Variants in DNAH14 observed in about 807,000 individuals in gnomAD.
DNAH14 encodes dynein axonemal heavy chain 14.
In DNAH14, 478 loss-of-function variants were observed where a neutral mutation model predicts 520.9. The ratio of observed to expected loss-of-function variants is 0.92; its 90% confidence interval spans 0.85 to 0.99. DNAH14 has a LOEUF of 0.99. Among genes scored for constraint, DNAH14 ranks in the 50% least tolerant of loss-of-function variants. DNAH14 has a pLI of 0.00. For synonymous variants in DNAH14, 1,581 were observed against 1,757.2 expected, an observed-to-expected ratio of 0.90 and a Z score of 2.51; for missense variants, 4,831 against 5,234.5, an observed-to-expected ratio of 0.92 and a Z score of 2.38.
intron 68 of DNAH14, among the ~76,000 whole-genome samples, chr1:225,339,829 A>C (rs980515261): frequency 1.3e-5 from 2 of 152,150 alleles, no homozygotes; most frequent in Non-Finnish European, 2.9e-5. Context: ...CCCACTCTTC[A>C]CTATGACTGC....
intron 75 of DNAH14, among the ~76,000 whole-genome samples, chr1:225,361,558 A>G (rs148109287): frequency 6.6e-6 from 1 of 152,352 alleles, no homozygotes; most frequent in African/African-American, 2.4e-5. Flanking sequence ...ATCCTGTGGT[A>G]AAATTGTTTA....
intron 37 of DNAH14, among the ~76,000 whole-genome samples, chr1:225,188,686 A>G (rs950686526): frequency 6.6e-6 from 1 of 151,956 alleles, no homozygotes; most frequent in Non-Finnish European, 1.5e-5. Context: ...GTGCAATTCC[A>G]TATGAATTTA....
intron 54 of DNAH14, among the ~76,000 whole-genome samples, chr1:225,282,376 T>C (rs1196014681): frequency 6.6e-6 from 1 of 152,208 alleles, no homozygotes; most frequent in Non-Finnish European, 1.5e-5. Flanking sequence ...AATCTTTAGC[T>C]TCTTTTCTGT....
rs1474192992 is a variant in DNAH14, at chr1:225,192,585, T to C, written c.5671-111T>C. 8.9e-6 allele frequency: 6 copies of C among 672,532 alleles called. No individual in the cohort carries two copies. The East Asian group carries it at 1.1e-4, about 13-fold the overall frequency. The allele number at this position is 672,532 out of a possible 1,614,324, so 41.7% of individuals were successfully genotyped here. On this transcript the variant is annotated intron_variant, in intron 37 of 85. Transcript: ENST00000682510. ...AACTTGCTACCTTTATATAAAATCT[T>C]TTTTTGGTGTGAAAGGTTTCTCCTA...
chr1:225,070,465 C>G (rs776196852), intron 17 of DNAH14, among the ~76,000 whole-genome samples: 3 of 151,958 alleles, frequency 2.0e-5, no homozygotes, highest in African/African-American at 4.8e-5. Flanking sequence ...CATTATTTAC[C>G]CAAAAGTCAT....
At chr1:225,037,044 C>G (rs879548533) in intron 11 of DNAH14, among the ~76,000 whole-genome samples, 2 of 152,034 alleles carry the variant, frequency 1.3e-5, no homozygotes, top group Non-Finnish European at 2.9e-5. Context: ...TATAACTACT[C>G]CTCTTTTATG....
In DNAH14 at chr1:224,968,772, T is replaced by C. The variant is rs1315162437; in HGVS notation, c.665T>C (p.Val222Ala). 1.3e-6 allele frequency: 2 copies of C among 1,502,024 alleles called. No homozygotes were observed. The highest frequency in any genetic ancestry group is 1.8e-6 in the Non-Finnish European group (2 of 1,120,460). The allele number at this position is 1,502,024 out of a possible 1,614,324, so 93.0% of individuals were successfully genotyped here. A position where few individuals can be genotyped will look rare whatever the true frequency, so the allele number is the denominator to read the frequency against. The change falls in exon 7 of 86, where the codon GTT becomes GCT. Residue 222 changes from valine (V) to alanine (A), a missense_variant. Transcript: ENST00000682510. ...TTTATTTTGTAGGTTATTAATATAG[T>C]TGGTAGTGTAAAGGAAGTAGAACTC... ...ASFISKVINI[V>A]GSVKEVELIP...
At chr1:225,032,340 T>G (rs141511384) in intron 11 of DNAH14, among the ~76,000 whole-genome samples, 82 of 152,272 alleles carry the variant, frequency 5.4e-4, no homozygotes, top group African/African-American at 1.9e-3. Context: ...TATTTGGTTT[T>G]GTGTTCTTGC....
At chr1:225,038,336 G>A (rs2067153438) in intron 11 of DNAH14, among the ~76,000 whole-genome samples, 1 of 151,988 alleles carries the variant, frequency 6.6e-6, no homozygotes, top group Admixed American at 6.5e-5. Flanking sequence ...TAAGTGCTTT[G>A]GGGTAGTCTT....
rs1259384978 is a variant in DNAH14, at chr1:225,335,339, A to ATG, written c.10080+1841_10080+1842dup. Among the ~76,000 whole-genome samples, 9 of 86,726 alleles carry ATG rather than the reference A, an allele frequency of 1.0e-4. 3 individuals are homozygous for ATG. Among genetic ancestry groups the ATG allele is most frequent in the Admixed American group, 9.2e-4 (8 of 8,718 alleles). The allele number at this position is 86,726 out of a possible 152,430, so 56.9% of individuals were successfully genotyped here. On this transcript the variant is annotated intron_variant, in intron 66 of 85. Transcript: ENST00000682510. ...TATATGCACATATACACGTGTGTAC[A>ATG]TGTGTGTGTATATGCATATACACGT...
intron 20 of DNAH14, 134 bp downstream of exon 20, chr1:225,082,873 T>C (rs2073306690): frequency 1.6e-5 from 11 of 686,052 alleles, no homozygotes; most frequent in Middle Eastern, 4.1e-4. Context: ...TAATAGTACA[T>C]TTGTAGAATA....
chr1:225,308,331 T>C lies in DNAH14; in HGVS notation c.9161T>C (p.Val3054Ala), dbSNP rs977614983. ...AAACTACGGAAAGATTCACAAGTAG[T>C]TGAGAAAGTTCAGATGCTTGTTAAA... ...MEKLRKDSQVVEKVQMLVKQD... is the reference protein window; with the variant it reads ...MEKLRKDSQVAEKVQMLVKQD... The change falls in exon 60 of 86, where the codon GTT (valine) becomes GCT (alanine). Residue 3054 changes from valine (V) to alanine (A), a missense_variant. Coordinates refer to ENST00000682510, the MANE Select transcript of DNAH14 (RefSeq NM_001367479.1). The C allele has an allele frequency of 1.3e-6, 2 of 1,543,402 alleles. No individual in the cohort carries two copies. Among genetic ancestry groups the C allele is most frequent in the Non-Finnish European group, 8.7e-7 (1 of 1,144,724 alleles).
At chr1:225,340,361 A>T (rs2095153617) in intron 68 of DNAH14, 96 bp from the exon 69 acceptor site, 2 of 1,294,892 alleles carry the variant, frequency 1.5e-6, no homozygotes, top group Admixed American at 2.8e-5. Flanking sequence ...AATCTTGTGT[A>T]CTTCCAGGAA....
At chr1:225,062,588 G>A (rs1378136906) in intron 17 of DNAH14, among the ~76,000 whole-genome samples, 1 of 152,156 alleles carries the variant, frequency 6.6e-6, no homozygotes, top group Non-Finnish European at 1.5e-5. Flanking sequence ...GGGGTCCTGT[G>A]ACTCAGTAGG....
intron 21 of DNAH14, among the ~76,000 whole-genome samples, chr1:225,093,328 A>G (rs1391115859): frequency 6.6e-6 from 1 of 152,224 alleles, no homozygotes; most frequent in African/African-American, 2.4e-5. Context: ...TTGGTTCAAC[A>G]TACACAAATG....
At chr1:224,938,097 C>T (rs944949653) in intron 1 of DNAH14, among the ~76,000 whole-genome samples, 18 of 152,044 alleles carry the variant, frequency 1.2e-4, no homozygotes, top group Non-Finnish European at 2.4e-4. Context: ...TATGAAACTA[C>T]TAAAAGAAAA....
At chr1:225,055,048 CT>C (rs375011200) in intron 17 of DNAH14, among the ~76,000 whole-genome samples, 19 of 147,722 alleles carry the variant, frequency 1.3e-4, no homozygotes, top group Non-Finnish European at 1.4e-4. Context: ...TGACCTCCCT[CT>C]TTTTTTTTTA....
At chr1:225,264,341 T>C in intron 47 of DNAH14, 80 bp downstream of exon 47, 1 of 1,110,588 alleles carries the variant, frequency 9.0e-7, no homozygotes, top group Non-Finnish European at 1.3e-6. Flanking sequence ...CTTACATTCA[T>C]GGATCTCAGA....
At chr1:225,133,918 T>A (rs908442644) in intron 27 of DNAH14, among the ~76,000 whole-genome samples, 8 of 152,226 alleles carry the variant, frequency 5.3e-5, no homozygotes, top group African/African-American at 1.9e-4. Context: ...TGGTTTGTAG[T>A]TCTCCTTGAA....
Sources: allele counts gnomAD v4.1 joint callset (sites outside exome capture counted in the v4.1 genomes callset), GRCh38; gene constraint gnomAD v4.1.1; transcripts MANE v1.5; gene names NCBI Gene and HGNC (gene_info 2026-07-23, HGNC 2026-07-21).